MACROD2: variants seen among roughly 807,000 people sequenced by gnomAD.
The protein encoded by MACROD2 is ADP-ribose glycohydrolase MACROD2.
A neutral mutation model predicts 70.4 loss-of-function variants in MACROD2; 36 were observed. The observed-to-expected ratio is 0.51, with a 90% confidence interval of 0.39 to 0.68. The LOEUF is 0.68. Among genes scored for constraint, MACROD2 ranks in the 30% least tolerant of loss-of-function variants. The probability of loss-of-function intolerance (pLI) is 0.00; values close to 1 mark genes in which losing one functional copy is unlikely to be tolerated. For synonymous variants in MACROD2, 172 were observed against 178.8 expected, an observed-to-expected ratio of 0.96 and a Z score of 0.30; for missense variants, 496 against 538.4, an observed-to-expected ratio of 0.92 and a Z score of 0.78.
At chr20:14,160,653 A>G (rs1374844754) in intron 3 of MACROD2, among the ~76,000 whole-genome samples, 4 of 151,674 alleles carry the variant, frequency 2.6e-5, no homozygotes, top group African/African-American at 9.7e-5. Flanking sequence ...AATTTTGTTT[A>G]TCTTTCCAAA....
At chr20:15,748,668 G>A (rs939965094) in intron 8 of MACROD2, among the ~76,000 whole-genome samples, 3 of 152,040 alleles carry the variant, frequency 2.0e-5, no homozygotes, top group Non-Finnish European at 4.4e-5. Context: ...CAGGACATAA[G>A]TATCTTTGTT....
rs201272230 is a variant in MACROD2 at position 14,055,595 on chromosome 20, G to A, written c.164-30026G>A. Among the ~76,000 whole-genome samples, 7 of 151,752 alleles carry A rather than the reference G, an allele frequency of 4.6e-5. No individual in the cohort carries two copies. The East Asian group carries it at 1.4e-3, about 29-fold the overall frequency. ...ATTTACCAGTCTGGGCATAGGGCAA[G>A]TTACCTGTCCAGAGTTCTTACTGGG... On this transcript the variant is annotated intron_variant, in intron 2 of 17. Transcript: ENST00000684519.
chr20:14,874,214 G>T (rs1337904471), intron 5 of MACROD2, among the ~76,000 whole-genome samples: 1 of 151,810 alleles, frequency 6.6e-6, no homozygotes, highest in Non-Finnish European at 1.5e-5. Context: ...AAAAATAATT[G>T]TACAAAAATC....
chr20:15,997,981 T>G (rs1262960930), intron 15 of MACROD2, among the ~76,000 whole-genome samples: 5 of 152,242 alleles, frequency 3.3e-5, no homozygotes, highest in African/African-American at 1.2e-4. Context: ...TTCATTTTGT[T>G]AATGTGGTAT....
intron 5 of MACROD2, chr20:14,894,634 TTTG>T (rs1183777983): frequency 6.6e-6 from 1 of 152,220 alleles, no homozygotes; most frequent in African/African-American, 2.4e-5. Context: ...GCATTAGGAA[TTTG>T]TTAATATTGC....
In MACROD2 at chr20:16,006,379, G is replaced by A. The variant is rs185037549; in HGVS notation, c.1153+19221G>A. On this transcript the variant is annotated intron_variant, in intron 15 of 17. Coordinates refer to ENST00000684519, the MANE Select transcript of MACROD2 (RefSeq NM_001351661.2). ...TTTTCATTCCTTTCTTTATCCTTTG[G>A]TTGTTGGAAACTAGCTTTCTTTGTA... 4.1e-4 allele frequency among the ~76,000 whole-genome samples: 63 copies of A among 152,050 alleles called. 1 individual carries two copies. The highest frequency in any genetic ancestry group is 3.6e-3 in the Admixed American group (55 of 15,280).
chr20:14,876,089 A>G (rs2073547367), intron 5 of MACROD2, among the ~76,000 whole-genome samples: 1 of 152,166 alleles, frequency 6.6e-6, no homozygotes. Context: ...CACTCCCACC[A>G]ACAAAGTATA....
rs113971494 is a variant in MACROD2, at chr20:15,625,555, A to G, written c.645+125708A>G. Among the ~76,000 whole-genome samples, 173 of 152,354 alleles carry G rather than the reference A, an allele frequency of 1.1e-3. 1 individual carries two copies. The highest frequency in any genetic ancestry group is 4.1e-3 in the African/African-American group (169 of 41,584). On this transcript the variant is annotated intron_variant, in intron 8 of 17. Transcript: ENST00000684519. The stretch of plus-strand genomic sequence containing the variant: ...TACCATTTATATCCATTATGATACA[A>G]AAAGTAAACACTTGCTGGTTGATTG...
intron 3 of MACROD2, among the ~76,000 whole-genome samples, chr20:14,142,578 A>G (rs1472369870): frequency 6.6e-6 from 1 of 152,154 alleles, no homozygotes; most frequent in African/African-American, 2.4e-5. Context: ...CTGCCACCAC[A>G]CTTATTATTT....
At chr20:14,716,903 G>A (rs529652746) in intron 5 of MACROD2, among the ~76,000 whole-genome samples, 1 of 152,204 alleles carries the variant, frequency 6.6e-6, no homozygotes, top group East Asian at 1.9e-4. Flanking sequence ...TGTTTTTAGA[G>A]ATGCAGGTGA....
At chr20:14,332,668 A>G (rs1039255593) in intron 3 of MACROD2, among the ~76,000 whole-genome samples, 9 of 152,160 alleles carry the variant, frequency 5.9e-5, no homozygotes, top group African/African-American at 2.2e-4. Flanking sequence ...ACTTTTAAAA[A>G]TATTCAATCT....
intron 5 of MACROD2, among the ~76,000 whole-genome samples, chr20:15,215,353 C>A (rs904252313): frequency 7.0e-6 from 1 of 143,810 alleles, no homozygotes; most frequent in Non-Finnish European, 1.5e-5. Flanking sequence ...AAAATCCTAC[C>A]TTTTAACCTT....
chr20:14,160,959 C>G (rs941192101), intron 3 of MACROD2, among the ~76,000 whole-genome samples: 1 of 151,994 alleles, frequency 6.6e-6, no homozygotes, highest in Non-Finnish European at 1.5e-5. Context: ...ACATTGTACC[C>G]AATAGGTAAT....
chr20:15,856,313 G>A (rs2064356042), intron 8 of MACROD2, among the ~76,000 whole-genome samples: 1 of 152,136 alleles, frequency 6.6e-6, no homozygotes, highest in Admixed American at 6.5e-5. Flanking sequence ...ATGAAAACTG[G>A]GCTGAAGAGC....
intron 10 of MACROD2, among the ~76,000 whole-genome samples, chr20:15,903,168 G>T (rs757556029): frequency 1.3e-5 from 2 of 152,088 alleles, no homozygotes; most frequent in Non-Finnish European, 2.9e-5. Context: ...TCGAGGTCAG[G>T]AGTTCGAGGC....
intron 3 of MACROD2, among the ~76,000 whole-genome samples, chr20:14,178,072 G>A (rs1369541892): frequency 1.3e-5 from 2 of 152,082 alleles, no homozygotes; most frequent in African/African-American, 4.8e-5. Flanking sequence ...AACTGACAAA[G>A]TGCAAGGAAA....
At chr20:15,713,858 A>G (rs6079936) in intron 8 of MACROD2, among the ~76,000 whole-genome samples, 73,950 of 151,918 alleles carry the variant, frequency 0.49, 19,696 homozygotes, top group Middle Eastern at 0.7. Flanking sequence ...CTGAAAACTC[A>G]TAGTCCATGA....
chr20:15,379,264 C>T (rs978053153), intron 6 of MACROD2, among the ~76,000 whole-genome samples: 1 of 152,210 alleles, frequency 6.6e-6, no homozygotes, highest in South Asian at 2.1e-4. Context: ...TGGATAGCAT[C>T]TTTATATATC....
chr20:14,071,300 G>A lies in MACROD2; in HGVS notation c.164-14321G>A, dbSNP rs938189042. ...TTTTGAGATGGAGTCTTGCTCTGTC[G>A]TCCAGGCCAGAGTGCAGTGGCGCGA... On this transcript the variant is annotated intron_variant, in intron 2 of 17. Transcript: ENST00000684519. 6.4e-5 allele frequency among the ~76,000 whole-genome samples: 7 copies of A among 109,564 alleles called. No homozygotes were observed. In the South Asian group the frequency reaches 1.5e-3, roughly 23 times the overall value. 71.9% of individuals were successfully genotyped at this position (109,564 alleles called of 152,430 possible). A position where few individuals can be genotyped will look rare whatever the true frequency, so the allele number is the denominator to read the frequency against.
Sources: gnomAD v4.1 joint callset for allele counts (sites outside exome capture counted in the v4.1 genomes callset) on GRCh38, gnomAD v4.1.1 for gene constraint, MANE v1.5 for transcripts, NCBI Gene and HGNC (gene_info 2026-07-23, HGNC 2026-07-21) for gene names.